Variants in DNMBP observed in about 807,000 individuals in gnomAD.
DNMBP encodes dynamin binding protein, also known as dynamin-binding protein.
Under a neutral mutation model 150.0 loss-of-function variants are expected in DNMBP, and 87 were observed. That is an observed-to-expected ratio of 0.58 (90% CI 0.49 to 0.69). The LOEUF (loss-of-function observed/expected upper bound fraction) is 0.69, where lower values mean the gene tolerates loss of function less well. Among genes scored for constraint, DNMBP ranks in the 30% least tolerant of loss-of-function variants. The probability of loss-of-function intolerance (pLI) is 0.00; values close to 1 mark genes in which losing one functional copy is unlikely to be tolerated. For synonymous variants in DNMBP, 711 were observed against 750.4 expected (o/e 0.95, Z 0.86); for missense variants, 1,774 against 1,949.0 (o/e 0.91, Z 1.69).
intron 4 of DNMBP, among the ~76,000 whole-genome samples, chr10:99,918,931 A>G (rs1192201264): frequency 1.3e-5 from 2 of 152,214 alleles, no homozygotes; most frequent in Non-Finnish European, 2.9e-5. Context: ...GCATAAGTAA[A>G]ATAATCGACA....
rs774105818 is a variant in DNMBP, at chr10:99,886,542, C to T, written c.3376G>A (p.Asp1126Asn). 6.2e-7 allele frequency: 1 copy of T among 1,614,176 alleles called. No homozygotes were observed. The highest frequency in any genetic ancestry group is 8.5e-7 in the Non-Finnish European group (1 of 1,180,038). ...CAGTTATAGAAGTCCAGGAGCTTGT[C>T]AAAGCGTTTCTGTACCAGCTTATGG... is the stretch of plus-strand genomic sequence containing the variant. ...GPHKLVQKRF[D>N]KLLDFYNCTE... The change falls in exon 13 of 17, where the codon GAC becomes AAC. Residue 1126 changes from aspartate to asparagine, a missense_variant. Coordinates refer to ENST00000324109, the MANE Select transcript of DNMBP (RefSeq NM_015221.4).
Position 99,993,553 on chromosome 10 carries a change from G to A in DNMBP, c.-11+16285C>T, listed in dbSNP as rs143764986. Among the ~76,000 whole-genome samples the A allele has an allele frequency of 8.3e-3, 1,262 of 152,296 alleles. 19 individuals are homozygous for A. The highest frequency in any genetic ancestry group is 0.044 in the Middle Eastern group (13 of 294). On this transcript the variant is annotated intron_variant, in intron 1 of 16. Coordinates refer to ENST00000324109, the MANE Select transcript of DNMBP (RefSeq NM_015221.4). ...ATGTTGGCTCATGCCTGTAATCCCA[G>A]CATTTTGGGAGGCCAAGGGGGTTGG...
intron 4 of DNMBP, among the ~76,000 whole-genome samples, chr10:99,941,033 C>T (rs1252388844): frequency 2.6e-5 from 4 of 151,644 alleles, no homozygotes; most frequent in African/African-American, 7.3e-5. Context: ...TACAGGCACC[C>T]GCCACCACAC....
chr10:99,879,766 TCTG>T (rs748460868), intron 16 of DNMBP, 42 bp downstream of exon 16: 33 of 1,602,772 alleles, frequency 2.1e-5, no homozygotes, highest in African/African-American at 8.0e-5. Context: ...CCACAACACA[TCTG>T]CTGCCGCCTG....
At chr10:99,943,602 A>T (rs2040326685) in intron 4 of DNMBP, among the ~76,000 whole-genome samples, 1 of 152,076 alleles carries the variant, frequency 6.6e-6, no homozygotes, top group African/African-American at 2.4e-5. Flanking sequence ...GGGTCTCACC[A>T]TGTTGCCTGG....
At chr10:99,889,150 T>A in intron 11 of DNMBP, 197 bp from the exon 12 acceptor site, 1 of 557,604 alleles carries the variant, frequency 1.8e-6, no homozygotes, top group South Asian at 2.5e-5. Flanking sequence ...AGGCTAAGAC[T>A]TTTAATTCTT....
At chr10:100,007,387 C>T (rs1344750498) in intron 1 of DNMBP, among the ~76,000 whole-genome samples, 1 of 151,986 alleles carries the variant, frequency 6.6e-6, no homozygotes, top group Non-Finnish European at 1.5e-5. Flanking sequence ...GCTACCACGA[C>T]CCCGGCACAC....
chr10:99,935,087 C>CAAAAAAAAAAAAA (rs71009790), intron 4 of DNMBP, among the ~76,000 whole-genome samples: 7 of 48,530 alleles, frequency 1.4e-4, no homozygotes, highest in African/African-American at 4.3e-4. Flanking sequence ...CCTGTCTCCA[C>CAAAAAAAAAAAAA]AAAAAAAAAA....
intron 3 of DNMBP, 197 bp from the exon 4 acceptor site, chr10:99,957,402 T>C (rs1423001095): frequency 2.8e-5 from 17 of 612,484 alleles, no homozygotes; most frequent in East Asian, 1.4e-4. Context: ...GAGTGTTCCA[T>C]GGAACCCTAC....
At chr10:99,925,382 T>G (rs1163486599) in intron 4 of DNMBP, among the ~76,000 whole-genome samples, 3 of 152,176 alleles carry the variant, frequency 2.0e-5, no homozygotes, top group Non-Finnish European at 4.4e-5. Flanking sequence ...TTTAAGTGTT[T>G]TTCAAACATT....
chr10:99,950,847 G>A (rs550264871), intron 4 of DNMBP, among the ~76,000 whole-genome samples: 1 of 152,338 alleles, frequency 6.6e-6, no homozygotes, highest in Non-Finnish European at 1.5e-5. Flanking sequence ...TGATAGAAAA[G>A]AAAATCCCAT....
chr10:99,916,667 T>A (rs1010060597), intron 4 of DNMBP, among the ~76,000 whole-genome samples: 1 of 145,700 alleles, frequency 6.9e-6, no homozygotes, highest in Admixed American at 6.9e-5. Context: ...AAAAAAAAAA[T>A]CGAACCTCAA....
rs374287727 is a variant in DNMBP, at chr10:99,997,842, C to T, written c.-11+11996G>A. On this transcript the variant is annotated intron_variant, in intron 1 of 16. Coordinates refer to ENST00000324109, the MANE Select transcript of DNMBP (RefSeq NM_015221.4). ...ACTTGGGTGGGTGGGGCACAAGAATCGCTTGAATCCAGGAGGCAAAGGCTG... is the reference window on the plus strand; with the variant it reads ...ACTTGGGTGGGTGGGGCACAAGAATTGCTTGAATCCAGGAGGCAAAGGCTG... Among the ~76,000 whole-genome samples the T allele has an allele frequency of 2.0e-4, 28 of 138,388 alleles. No homozygotes were observed. In the East Asian group the frequency reaches 2.6e-3, roughly 13 times the overall value. 90.8% of individuals were successfully genotyped at this position (138,388 alleles called of 152,430 possible). A position where few individuals can be genotyped will look rare whatever the true frequency, so the allele number is the denominator to read the frequency against.
At chr10:100,008,051 G>A (rs772594912) in intron 1 of DNMBP, among the ~76,000 whole-genome samples, 12 of 152,180 alleles carry the variant, frequency 7.9e-5, no homozygotes, top group Non-Finnish European at 1.3e-4. Context: ...TCCATTAGCT[G>A]ACTCTAGAAA....
At position 99,915,142 on chromosome 10, in the gene DNMBP, T is replaced by C. The variant is rs192088740; in HGVS notation, c.2261-5996A>G. ...ATATATATATATACACACACACACA[T>C]ATATATACATATATATACACATATA... is the stretch of plus-strand genomic sequence containing the variant. On this transcript the variant is annotated intron_variant, in intron 4 of 16. Transcript: ENST00000324109. Among the ~76,000 whole-genome samples, 382 of 136,484 alleles carry C rather than the reference T, an allele frequency of 2.8e-3. 6 individuals are homozygous for C. The highest frequency in any genetic ancestry group is 1.9e-3 in the South Asian group (8 of 4,276). The allele number at this position is 136,484 out of a possible 152,430, so 89.5% of individuals were successfully genotyped here.
At position 99,908,931 on chromosome 10, in the gene DNMBP, A is replaced by C. The variant is rs763050736; in HGVS notation, c.2454+22T>G. On this transcript the variant is annotated intron_variant, in intron 5 of 16. Transcript: ENST00000324109. Reference sequence around the variant, plus strand: ...GGAGGACCATATTCAAGGTCAAACTAACTCTGTCTCCCAGTTCCCACCTGT... The same window carrying C: ...GGAGGACCATATTCAAGGTCAAACTCACTCTGTCTCCCAGTTCCCACCTGT... 3 of 1,603,676 alleles carry C rather than the reference A, an allele frequency of 1.9e-6. No homozygotes were observed. The Admixed American group carries it at 5.1e-5, about 27-fold the overall frequency.
intron 1 of DNMBP, among the ~76,000 whole-genome samples, chr10:100,007,384 C>T (rs574246498): frequency 1.3e-5 from 2 of 152,072 alleles, no homozygotes; most frequent in East Asian, 1.9e-4. Context: ...AGTGCTACCA[C>T]GACCCCGGCA....
intron 6 of DNMBP, among the ~76,000 whole-genome samples, chr10:99,906,099 C>T: frequency 6.6e-6 from 1 of 152,180 alleles, no homozygotes; most frequent in East Asian, 1.9e-4. Flanking sequence ...AACCATGCTA[C>T]AACATCCCAG....
In DNMBP at chr10:99,935,564, T is replaced by TTTG. The variant is rs572903602; in HGVS notation, c.2260+19647_2260+19649dup. ...ACCTTGCCTGAGTAGACTTAAATTT[T>TTTG]TTGTTGTTGTTGTTGTTGAGATGGA... On this transcript the variant is annotated intron_variant, in intron 4 of 16. Transcript: ENST00000324109. 6.7e-3 allele frequency among the ~76,000 whole-genome samples: 1,014 copies of TTTG among 151,936 alleles called. 12 individuals are homozygous for TTTG. Among genetic ancestry groups the TTTG allele is most frequent in the African/African-American group, 0.023 (954 of 41,404 alleles).
Sources: allele counts gnomAD v4.1 joint callset (sites outside exome capture counted in the v4.1 genomes callset), GRCh38; gene constraint gnomAD v4.1.1; transcripts MANE v1.5; gene names NCBI Gene and HGNC (gene_info 2026-07-23, HGNC 2026-07-21).